NECAB1: variants seen among roughly 807,000 people sequenced by gnomAD.
The protein encoded by NECAB1 is N-terminal EF-hand calcium-binding protein 1.
NECAB1 carries 29 observed loss-of-function variants against 57.5 expected under a neutral mutation model. That is an observed-to-expected ratio of 0.50 (90% CI 0.38 to 0.69). The LOEUF is 0.69. Among genes scored for constraint, NECAB1 ranks in the 30% least tolerant of loss-of-function variants. NECAB1 has a pLI of 0.00. For synonymous variants in NECAB1, 142 were observed against 147.7 expected (o/e 0.96, Z 0.28); for missense variants, 372 against 413.8 (o/e 0.90, Z 0.88).
intron 5 of NECAB1, among the ~76,000 whole-genome samples, chr8:90,893,125 G>T (rs937567467): frequency 6.6e-6 from 1 of 152,096 alleles, no homozygotes; most frequent in African/African-American, 2.4e-5. Flanking sequence ...GGCTCCTCCA[G>T]TTACCTACTT....
At chr8:90,837,929 C>G (rs1470229554) in intron 3 of NECAB1, among the ~76,000 whole-genome samples, 5 of 152,150 alleles carry the variant, frequency 3.3e-5, no homozygotes, top group Admixed American at 2.6e-4. Context: ...GAATTCCTAG[C>G]CCCAAATTTT....
intron 5 of NECAB1, among the ~76,000 whole-genome samples, chr8:90,899,707 T>C (rs900501388): frequency 1.3e-5 from 2 of 152,190 alleles, no homozygotes; most frequent in African/African-American, 4.8e-5. Context: ...GTACAGTACA[T>C]TTGATTTTTG....
chr8:90,794,273 C>T (rs550910538), intron 1 of NECAB1, among the ~76,000 whole-genome samples: 1 of 152,126 alleles, frequency 6.6e-6, no homozygotes, highest in East Asian at 1.9e-4. Flanking sequence ...CCACTTTTAG[C>T]AAAATAAAAT....
At chr8:90,847,155 G>A (rs756057871) in intron 3 of NECAB1, among the ~76,000 whole-genome samples, 5 of 152,222 alleles carry the variant, frequency 3.3e-5, no homozygotes, top group Non-Finnish European at 5.9e-5. Flanking sequence ...GATAAAATGG[G>A]GGTACAGGCA....
intron 3 of NECAB1, among the ~76,000 whole-genome samples, chr8:90,848,849 G>A (rs1210336353): frequency 6.6e-6 from 1 of 152,152 alleles, no homozygotes; most frequent in Non-Finnish European, 1.5e-5. Context: ...TAAGCTGGGT[G>A]TGGTGGCAGG....
chr8:90,945,836 A>T (rs1810794652), intron 10 of NECAB1, among the ~76,000 whole-genome samples: 2 of 152,194 alleles, frequency 1.3e-5, no homozygotes, highest in African/African-American at 4.8e-5. Context: ...ATCCAAAGAC[A>T]GCTTAGCCAA....
intron 3 of NECAB1, among the ~76,000 whole-genome samples, chr8:90,863,054 C>T (rs1808437645): frequency 6.6e-6 from 1 of 152,070 alleles, no homozygotes; most frequent in Non-Finnish European, 1.5e-5. Context: ...CCCCCTTTGT[C>T]CATCTCAAGC....
chr8:90,874,281 A>G (rs375043141), intron 4 of NECAB1, among the ~76,000 whole-genome samples: 2 of 152,216 alleles, frequency 1.3e-5, no homozygotes, highest in Non-Finnish European at 2.9e-5. Context: ...CTAGAAGCCA[A>G]TTAGAAGTTG....
Position 90,896,432 on chromosome 8 carries a change from G to A in NECAB1, c.357+15302G>A, listed in dbSNP as rs1347795162. The stretch of plus-strand genomic sequence containing the variant: ...ATCCTGGCTAACATGGTGAAACCCC[G>A]TCTCTACTAAAAATACAAAAAAATT... On this transcript the variant is annotated intron_variant, in intron 5 of 12. Transcript: ENST00000417640. Among the ~76,000 whole-genome samples the A allele has an allele frequency of 2.6e-5, 4 of 151,924 alleles. No homozygotes were observed. The Middle Eastern group carries it at 0.01, about 388-fold the overall frequency.
intron 5 of NECAB1, among the ~76,000 whole-genome samples, chr8:90,908,668 A>G (rs1809754347): frequency 6.6e-6 from 1 of 152,126 alleles, no homozygotes; most frequent in Non-Finnish European, 1.5e-5. Context: ...GGAAAGCCAC[A>G]CAAATCAAAT....
At chr8:90,800,212 C>A (rs1811738730) in intron 1 of NECAB1, among the ~76,000 whole-genome samples, 1 of 152,094 alleles carries the variant, frequency 6.6e-6, no homozygotes, top group African/African-American at 2.4e-5. Flanking sequence ...TTGGTGGAGT[C>A]TTTGAGTTTT....
At chr8:90,922,485 G>GTTTTTTTTTTTTTTT (rs1586127873) in intron 6 of NECAB1, among the ~76,000 whole-genome samples, 3 of 65,214 alleles carry the variant, frequency 4.6e-5, no homozygotes, top group African/African-American at 3.0e-4. Flanking sequence ...CAAAAACTTG[G>GTTTTTTTTTTTTTTT]ATTTTTTTTT....
chr8:90,920,950 A>G (rs914650470), intron 6 of NECAB1, among the ~76,000 whole-genome samples: 17 of 152,226 alleles, frequency 1.1e-4, no homozygotes, highest in Non-Finnish European at 7.3e-5. Flanking sequence ...GACCAATCTA[A>G]CAGTCATCTG....
At chr8:90,926,028 T>C (rs1040869491) in intron 7 of NECAB1, among the ~76,000 whole-genome samples, 3 of 152,184 alleles carry the variant, frequency 2.0e-5, no homozygotes, top group Non-Finnish European at 4.4e-5. Context: ...TATCCTAAGT[T>C]CATCTGGGGA....
chr8:90,853,971 A>C (rs1415769655), intron 3 of NECAB1, among the ~76,000 whole-genome samples: 1 of 152,132 alleles, frequency 6.6e-6, no homozygotes, highest in African/African-American at 2.4e-5. Flanking sequence ...CAGGAAGCAG[A>C]TCGTTGGTTA....
intron 3 of NECAB1, among the ~76,000 whole-genome samples, chr8:90,840,129 A>G (rs572127571): frequency 1.3e-5 from 2 of 152,342 alleles, no homozygotes; most frequent in Admixed American, 6.5e-5. Flanking sequence ...AATGGTTAAC[A>G]TATATGGCTC....
chr8:90,942,903 C>T (rs1201987625), intron 10 of NECAB1, among the ~76,000 whole-genome samples: 1 of 151,976 alleles, frequency 6.6e-6, no homozygotes, highest in Admixed American at 6.6e-5. Flanking sequence ...AAAATGCAAA[C>T]AGTACCTATA....
At chr8:90,938,539 G>GT (rs1460867535) in intron 9 of NECAB1, among the ~76,000 whole-genome samples, 12 of 152,142 alleles carry the variant, frequency 7.9e-5, no homozygotes, top group East Asian at 1.9e-4. Flanking sequence ...AAATTTAAGC[G>GT]TTTTTTTGGA....
At chr8:90,893,546 C>T (rs1332063892) in intron 5 of NECAB1, among the ~76,000 whole-genome samples, 3 of 152,040 alleles carry the variant, frequency 2.0e-5, no homozygotes, top group Non-Finnish European at 4.4e-5. Flanking sequence ...GTGTCCCTTC[C>T]AAGGGACTAG....
Sources: gnomAD v4.1 joint callset for allele counts (sites outside exome capture counted in the v4.1 genomes callset) on GRCh38, gnomAD v4.1.1 for gene constraint, MANE v1.5 for transcripts, NCBI Gene and HGNC (gene_info 2026-07-23, HGNC 2026-07-21) for gene names.